Variants in ZNF654 observed in about 807,000 individuals in gnomAD.
ZNF654 encodes zinc finger protein 654, also known as melanoma-associated antigen.
ZNF654 carries 19 observed loss-of-function variants against 95.3 expected under a neutral mutation model. The observed-to-expected ratio is 0.20, with a 90% CI of 0.14 to 0.29. ZNF654 has a LOEUF of 0.29. ZNF654 is among the 10% of genes least tolerant of loss of function. The pLI, the probability that ZNF654 is intolerant of heterozygous loss-of-function variation, is 1.00. For synonymous variants in ZNF654, 413 were observed against 457.9 expected, an observed-to-expected ratio of 0.90 and a Z score of 1.25; for missense variants, 1,046 against 1,341.0, an observed-to-expected ratio of 0.78 and a Z score of 3.44.
chr3:88,085,078 T>C (rs868301608), intron 1 of ZNF654, among the ~76,000 whole-genome samples: 2 of 152,200 alleles, frequency 1.3e-5, no homozygotes, highest in Admixed American at 6.5e-5. Context: ...GCTAGGACTT[T>C]TTGAAAAATT....
intron 2 of ZNF654, among the ~76,000 whole-genome samples, chr3:88,091,999 A>G (rs1703767447): frequency 6.6e-6 from 1 of 152,210 alleles, no homozygotes; most frequent in African/African-American, 2.4e-5. Flanking sequence ...GCAGAAGCAA[A>G]TCTTATCTAA....
intron 6 of ZNF654, among the ~76,000 whole-genome samples, chr3:88,134,366 G>A (rs1431518408): frequency 6.6e-6 from 1 of 151,828 alleles, no homozygotes; most frequent in Non-Finnish European, 1.5e-5. Context: ...ATGATGCTTT[G>A]TACACTTTTA....
At chr3:88,096,583 A>T (rs1452224393) in intron 2 of ZNF654, among the ~76,000 whole-genome samples, 1 of 152,040 alleles carries the variant, frequency 6.6e-6, no homozygotes. Flanking sequence ...TTCTTCCCAT[A>T]CTTTAAAGAA....
chr3:88,075,824 A>T (rs912776404), intron 1 of ZNF654, among the ~76,000 whole-genome samples: 1 of 152,078 alleles, frequency 6.6e-6, no homozygotes, highest in African/African-American at 2.4e-5. Flanking sequence ...TTAGAGAAGG[A>T]AAGTCAAGGA....
At chr3:88,113,262 A>G (rs952811318) in intron 3 of ZNF654, 66 bp downstream of exon 3, 6 of 950,188 alleles carry the variant, frequency 6.3e-6, no homozygotes, top group South Asian at 1.6e-5. Flanking sequence ...CTCCCCCTAA[A>G]TATAGCTTAT....
At position 88,059,278 on chromosome 3, in the gene ZNF654, C is replaced by T. The variant is rs1305610988; in HGVS notation, c.-42C>T. The T allele has an allele frequency of 6.5e-7, 1 of 1,532,200 alleles. No individual in the cohort carries two copies. Among genetic ancestry groups the T allele is most frequent in the Non-Finnish European group, 8.7e-7 (1 of 1,146,034 alleles). The allele number at this position is 1,532,200 out of a possible 1,614,324, so 94.9% of individuals were successfully genotyped here. A position where few individuals can be genotyped will look rare whatever the true frequency, so the allele number is the denominator to read the frequency against. On this transcript the variant is annotated 5_prime_UTR_variant, in exon 1 of 9. Transcript: ENST00000636215. ...TTAGCCTAGGCATCTACGGCGGCGG[C>T]GGCGGCGCAGGGGCTGGTACGCGCT...
chr3:88,082,729 G>GCTCCT (rs1708145589), intron 1 of ZNF654, among the ~76,000 whole-genome samples: 1 of 152,174 alleles, frequency 6.6e-6, no homozygotes, highest in African/African-American at 2.4e-5. Flanking sequence ...CAAAAAAGGA[G>GCTCCT]AGCTCAATTA....
chr3:88,078,793 T>TG (rs1707940299), intron 1 of ZNF654, among the ~76,000 whole-genome samples: 1 of 152,008 alleles, frequency 6.6e-6, no homozygotes, highest in Admixed American at 6.5e-5. Flanking sequence ...CTTAGGGAGA[T>TG]GGGGGATGGA....
At position 88,141,020 on chromosome 3, in the gene ZNF654, A is replaced by T; in HGVS notation, c.3351A>T (p.Thr1117=). ...ATCTTGCACAAAAGAAATGTCAGAC[A>T]CTCTTTGGATTTGATTCAGATGATG... is the stretch of plus-strand genomic sequence containing the variant. ...EAHLAQKKCQ[T]LFGFDSDDES... Residue 1117 remains threonine, a synonymous_variant, in exon 8 of 9, where the codon ACA becomes ACT. Coordinates refer to ENST00000636215, the MANE Select transcript of ZNF654 (RefSeq NM_001350134.2). The T allele has an allele frequency of 6.2e-7, 1 of 1,606,930 alleles. No homozygotes were observed. The highest frequency in any genetic ancestry group is 8.5e-7 in the Non-Finnish European group (1 of 1,176,812).
intron 7 of ZNF654, chr3:88,135,415 A>G: frequency 2.8e-6 from 1 of 353,550 alleles, no homozygotes; most frequent in East Asian, 4.2e-5. Flanking sequence ...ACATGGAAGC[A>G]ATTGCTTCCA....
At chr3:88,122,617 G>C (rs904004515) in intron 3 of ZNF654, among the ~76,000 whole-genome samples, 2 of 152,212 alleles carry the variant, frequency 1.3e-5, no homozygotes, top group Non-Finnish European at 2.9e-5. Context: ...ATTTAGCACA[G>C]TGTAATGTGG....
intron 1 of ZNF654, among the ~76,000 whole-genome samples, chr3:88,075,865 C>G (rs1379704351): frequency 6.6e-6 from 1 of 152,054 alleles, no homozygotes. Flanking sequence ...CATTCAATAT[C>G]AAGCAAATTT....
chr3:88,060,407 C>A (rs1373504736), intron 1 of ZNF654, among the ~76,000 whole-genome samples: 1 of 152,154 alleles, frequency 6.6e-6, no homozygotes, highest in Non-Finnish European at 1.5e-5. Flanking sequence ...ACTCTGCATT[C>A]TCATCTACCT....
chr3:88,089,607 T>C (rs186586887), intron 2 of ZNF654, among the ~76,000 whole-genome samples: 1 of 152,316 alleles, frequency 6.6e-6, no homozygotes, highest in East Asian at 1.9e-4. Context: ...TGAGCTAATG[T>C]CATCTAGAAA....
chr3:88,129,737 T>C lies in ZNF654; in HGVS notation c.804T>C (p.Ala268=), dbSNP rs1290929870. The change falls in exon 6 of 9, where the codon GCT becomes GCC. Residue 268 remains alanine, a synonymous_variant. Coordinates refer to ENST00000636215, the MANE Select transcript of ZNF654 (RefSeq NM_001350134.2). ...CKSGIDIICN[A]EKEGKTMLAL... ...GTGGAATTGATATCATCTGTAATGC[T>C]GAAAAAGAAGGCAAAACTATGTTAG... 3.3e-6 allele frequency: 5 copies of C among 1,528,634 alleles called. No homozygotes were observed. The highest frequency in any genetic ancestry group is 1.4e-5 in the African/African-American group (1 of 72,930). The allele number at this position is 1,528,634 out of a possible 1,614,324, so 94.7% of individuals were successfully genotyped here.
intron 1 of ZNF654, among the ~76,000 whole-genome samples, chr3:88,083,853 G>C (rs1188962410): frequency 6.6e-6 from 1 of 151,810 alleles, no homozygotes; most frequent in African/African-American, 2.4e-5. Context: ...TGGCCTTGTA[G>C]AACACACAGA....
intron 3 of ZNF654, among the ~76,000 whole-genome samples, chr3:88,120,008 T>C (rs1208845609): frequency 3.9e-5 from 6 of 152,156 alleles, no homozygotes; most frequent in Admixed American, 1.3e-4. Flanking sequence ...ATTTTAAATA[T>C]TCTTTTTTTC....
At chr3:88,127,551 A>C (rs532397529) in intron 4 of ZNF654, among the ~76,000 whole-genome samples, 1 of 152,152 alleles carries the variant, frequency 6.6e-6, no homozygotes, top group Non-Finnish European at 1.5e-5. Flanking sequence ...GACAGACTAG[A>C]GGAAATTATG....
chr3:88,116,766 T>C (rs1323551296), intron 3 of ZNF654, among the ~76,000 whole-genome samples: 1 of 152,104 alleles, frequency 6.6e-6, no homozygotes, highest in East Asian at 1.9e-4. Flanking sequence ...TGTCTTTCAC[T>C]GAAGCATCCT....
Sources: allele counts gnomAD v4.1 joint callset (sites outside exome capture counted in the v4.1 genomes callset), GRCh38; gene constraint gnomAD v4.1.1; transcripts MANE v1.5; gene names NCBI Gene and HGNC (gene_info 2026-07-23, HGNC 2026-07-21).